The following ACSM6 variants were observed in gnomAD, a reference collection of about 807,000 sequenced individuals.
The protein encoded by ACSM6 is acyl-coenzyme A synthetase ACSM6, mitochondrial.
A neutral mutation model predicts 51.1 loss-of-function variants in ACSM6; 35 were observed. The observed-to-expected ratio is 0.69, with a 90% confidence interval of 0.52 to 0.91. ACSM6 has a LOEUF of 0.91. Among genes scored for constraint, ACSM6 ranks in the 40% least tolerant of loss-of-function variants. The pLI is 0.00. For missense variants in ACSM6, 509 were observed against 584.1 expected, an observed-to-expected ratio of 0.87 and a Z score of 1.32; for synonymous variants, 172 against 207.3, an observed-to-expected ratio of 0.83 and a Z score of 1.46.
At chr10:95,222,981 T>C (rs1204693930) in intron 9 of ACSM6, among the ~76,000 whole-genome samples, 1 of 152,174 alleles carries the variant, frequency 6.6e-6, no homozygotes, top group East Asian at 1.9e-4. Flanking sequence ...ATACATTAAA[T>C]ATGTATAGCT....
intron 2 of ACSM6, among the ~76,000 whole-genome samples, chr10:95,200,558 A>AGAAGAG (rs71034320): frequency 0.5 from 73,613 of 148,158 alleles, 19,225 homozygotes; most frequent in Middle Eastern, 0.64. Flanking sequence ...AGAAGAAGAA[A>AGAAGAG]GAAGAGGAAG....
intron 2 of ACSM6, among the ~76,000 whole-genome samples, chr10:95,195,820 G>A (rs1199245242): frequency 6.6e-6 from 1 of 152,108 alleles, no homozygotes; most frequent in Non-Finnish European, 1.5e-5. Flanking sequence ...CATCATCTAG[G>A]GTTAGATAAG....
At chr10:95,223,022 G>T (rs1405138384) in intron 9 of ACSM6, among the ~76,000 whole-genome samples, 1 of 151,926 alleles carries the variant, frequency 6.6e-6, no homozygotes, top group South Asian at 2.1e-4. Flanking sequence ...TCATTAGAGG[G>T]TTTATTTTTT....
chr10:95,224,891 T>C (rs1245827441), intron 9 of ACSM6, among the ~76,000 whole-genome samples: 1 of 152,224 alleles, frequency 6.6e-6, no homozygotes, highest in East Asian at 1.9e-4. Flanking sequence ...AAGGCCTTTC[T>C]GAGATGCTGG....
chr10:95,225,334 A>G, exon 10 of ACSM6: 2 of 1,551,818 alleles, frequency 1.3e-6, no homozygotes, highest in Non-Finnish European at 1.7e-6. Context: ...GGGAAGAAGG[A>G]AATATTGCAA....
chr10:95,203,611 G>T (rs947046723), intron 3 of ACSM6, among the ~76,000 whole-genome samples: 1 of 152,048 alleles, frequency 6.6e-6, no homozygotes, highest in Non-Finnish European at 1.5e-5. Flanking sequence ...ACATAAACAG[G>T]AAATGCCTCA....
At chr10:95,194,588 C>A in exon 2 of ACSM6, 4 of 1,551,810 alleles carry the variant, frequency 2.6e-6, no homozygotes, top group African/African-American at 1.4e-5. Context: ...GACCATCAGA[C>A]CCCCTGACTC....
At chr10:95,205,292 C>G (rs951099770) in intron 3 of ACSM6, among the ~76,000 whole-genome samples, 1 of 152,012 alleles carries the variant, frequency 6.6e-6, no homozygotes, top group African/African-American at 2.4e-5. Flanking sequence ...TAGCAAAATG[C>G]TATCAACTGA....
intron 2 of ACSM6, among the ~76,000 whole-genome samples, chr10:95,198,327 T>C (rs2034756357): frequency 6.6e-6 from 1 of 152,096 alleles, no homozygotes; most frequent in Non-Finnish European, 1.5e-5. Flanking sequence ...GAGTTCTTAC[T>C]TGGGTCGCAC....
At chr10:95,214,902 G>A (rs895624207) in exon 8 of ACSM6, 1 of 1,551,628 alleles carries the variant, frequency 6.4e-7, no homozygotes, top group South Asian at 1.2e-5. Flanking sequence ...GGACCCATCA[G>A]CCCTGGGGTG....
intron 2 of ACSM6, among the ~76,000 whole-genome samples, chr10:95,195,607 C>T (rs151161156): frequency 1.4e-4 from 21 of 152,214 alleles, no homozygotes; most frequent in African/African-American, 4.3e-4. Flanking sequence ...TGGTGGTGCC[C>T]GCAGGAGAAT....
exon 3 of ACSM6, chr10:95,202,049 G>T: frequency 6.4e-7 from 1 of 1,551,818 alleles, no homozygotes; most frequent in Non-Finnish European, 8.7e-7. Flanking sequence ...GAGGACAAAT[G>T]GAGCTTTGAA....
Position 95,222,518 on chromosome 10 carries a change from G to A in ACSM6, c.1200+2547G>A, listed in dbSNP as rs186839488. ...TATGACTGTAATCCCAGCTACTCAG[G>A]AGGCTGAGGCAGGAGAATCACTTGA... On this transcript the variant is annotated intron_variant, in intron 9 of 10. Transcript: ENST00000341686. 1.9e-3 allele frequency among the ~76,000 whole-genome samples: 284 copies of A among 152,112 alleles called. 9 individuals carry two copies. Among genetic ancestry groups the A allele is most frequent in the Admixed American group, 0.015 (229 of 15,276 alleles).
At chr10:95,203,186 G>A (rs621299) in intron 3 of ACSM6, among the ~76,000 whole-genome samples, 78,393 of 151,738 alleles carry the variant, frequency 0.52, 21,179 homozygotes, top group Middle Eastern at 0.66. Context: ...CTGTGCATGC[G>A]AGGAATCTGG....
chr10:95,195,007 T>TAA (rs1164057394), intron 2 of ACSM6, among the ~76,000 whole-genome samples: 3 of 152,224 alleles, frequency 2.0e-5, no homozygotes, highest in Admixed American at 6.5e-5. Context: ...CAATAAAAAG[T>TAA]GTTTAGCACA....
rs2133383701 is a variant in ACSM6, at chr10:95,212,694, G to C, written c.913-164G>C. 2.0e-5 allele frequency among the ~76,000 whole-genome samples: 3 copies of C among 152,324 alleles called. No individual in the cohort carries two copies. In the Middle Eastern group the frequency reaches 0.01, roughly 518 times the overall value. On this transcript the variant is annotated intron_variant, in intron 6 of 10. Transcript: ENST00000341686. ...AAGCTAAATTCTCTCCCAAGGTGTG[G>C]AAGGTGGGGAATCACTAAGTCTTTG...
chr10:95,223,163 C>G (rs1367632558), intron 9 of ACSM6, among the ~76,000 whole-genome samples: 2 of 107,274 alleles, frequency 1.9e-5, no homozygotes, highest in Admixed American at 9.6e-5. Flanking sequence ...CATACAGACA[C>G]ACACACACAC....
chr10:95,201,403 C>G (rs2034792935), intron 2 of ACSM6: 1 of 441,336 alleles, frequency 2.3e-6, no homozygotes, highest in Non-Finnish European at 4.5e-6. Flanking sequence ...TGAAAACAGG[C>G]AGTATTTGAT....
At chr10:95,194,479 G>A (rs1250642285) in exon 2 of ACSM6, 1 of 1,551,244 alleles carries the variant, frequency 6.4e-7, no homozygotes, top group Non-Finnish European at 8.7e-7. Flanking sequence ...TTCCCTGTCT[G>A]ACCCAAATGC....
Sources: allele counts gnomAD v4.1 joint callset (sites outside exome capture counted in the v4.1 genomes callset), GRCh38; gene constraint gnomAD v4.1.1; transcripts MANE v1.5; gene names NCBI Gene and HGNC (gene_info 2026-07-23, HGNC 2026-07-21).